GPATCH11: variants seen among roughly 807,000 people sequenced by gnomAD.
GPATCH11 encodes the protein G-patch domain containing 11.
GPATCH11 carries 32 observed loss-of-function variants against 44.8 expected under a neutral mutation model. The observed-to-expected ratio is 0.71, with a 90% CI of 0.54 to 0.96. The LOEUF (loss-of-function observed/expected upper bound fraction) is 0.96, where lower values mean the gene tolerates loss of function less well. GPATCH11 is among the 40% of genes least tolerant of loss of function. The pLI, the probability that GPATCH11 is intolerant of heterozygous loss-of-function variation, is 0.00. For synonymous variants in GPATCH11, 84 were observed against 94.4 expected (o/e 0.89, Z 0.64); for missense variants, 324 against 303.1 (o/e 1.07, Z -0.51).
chr2:37,094,179 A>T lies in GPATCH11; in HGVS notation c.638A>T (p.Lys213Met), dbSNP rs780819371. ...EEKEQDEDEY[K>M]SEDLSVLEKL... ...AAAGAACAGGATGAAGATGAATATA[A>T]GAGTGAAGATTTAAGCGTATGCTTT... Residue 213 changes from lysine (K) to methionine (M), a missense_variant, in exon 7 of 9, where the codon AAG becomes ATG. Lys to Met is a moderately conservative substitution (Grantham distance 95). Transcript: ENST00000674370. The T allele has an allele frequency of 1.3e-6, 2 of 1,553,990 alleles. No individual in the cohort carries two copies.
intron 6 of GPATCH11, 53 bp downstream of exon 6, chr2:37,092,308 A>G: frequency 3.7e-6 from 2 of 542,562 alleles, no homozygotes; most frequent in South Asian, 1.4e-4. Flanking sequence ...ACCCCCTGTG[A>G]TTTCCCGTTT....
chr2:37,096,210 A>G lies in GPATCH11; in HGVS notation c.739A>G (p.Lys247Glu). The G allele has an allele frequency of 6.4e-7, 1 of 1,566,550 alleles. No individual in the cohort carries two copies. Among genetic ancestry groups the G allele is most frequent in the Non-Finnish European group, 8.7e-7 (1 of 1,149,088 alleles). Residue 247 changes from lysine to glutamate, a missense_variant and splice_region_variant, in exon 9 of 9, where the codon AAA becomes GAA. Lys to Glu is a moderately conservative substitution (Grantham distance 56). Coordinates refer to ENST00000674370, the MANE Select transcript of GPATCH11 (RefSeq NM_174931.4). Reference sequence around the variant, plus strand: ...CATTTCCCTCACATAACTTACAGATAAAGAAGACCTATCTTCAAATTGTCC... The same window carrying G: ...CATTTCCCTCACATAACTTACAGATGAAGAAGACCTATCTTCAAATTGTCC... ...CIWCGTAYED[K>E]EDLSSNCPGP...
chr2:37,095,454 A>C lies in GPATCH11; in HGVS notation c.672A>C (p.Gln224His). 2 of 1,606,004 alleles carry C rather than the reference A, an allele frequency of 1.2e-6. No homozygotes were observed. Among genetic ancestry groups the C allele is most frequent in the Non-Finnish European group, 1.7e-6 (2 of 1,176,730 alleles). Residue 224 changes from glutamine to histidine, a missense_variant, in exon 8 of 9, where the codon CAA (glutamine) becomes CAC (histidine). Transcript: ENST00000674370. ...TCCTATAGGTACTGGAAAAATTACA[A>C]ATATTGACTAGTTATTTAAGAGAAG... is the stretch of plus-strand genomic sequence containing the variant. ...SEDLSVLEKL[Q>H]ILTSYLREEH...
At chr2:37,085,792 T>A (rs1672995249) in intron 1 of GPATCH11, among the ~76,000 whole-genome samples, 1 of 152,212 alleles carries the variant, frequency 6.6e-6, no homozygotes, top group Non-Finnish European at 1.5e-5. Flanking sequence ...GGTCAGGAAT[T>A]TGTTAGCAGC....
chr2:37,084,530 C>T lies in GPATCH11; in HGVS notation c.-54C>T, dbSNP rs571230302. ...GGTCGGTGGGCGCATGCGCAGCGCG[C>T]GCTCTACGGCGCTGAACCGGGGCGA... On this transcript the variant is annotated 5_prime_UTR_variant, in exon 1 of 9. Transcript: ENST00000674370. 16 of 1,232,470 alleles carry T rather than the reference C, an allele frequency of 1.3e-5. No individual in the cohort carries two copies. In the Admixed American group the frequency reaches 4.2e-4, roughly 32 times the overall value. The allele number at this position is 1,232,470 out of a possible 1,614,324, so 76.3% of individuals were successfully genotyped here. A position where few individuals can be genotyped will look rare whatever the true frequency, so the allele number is the denominator to read the frequency against.
At position 37,095,476 on chromosome 2, in the gene GPATCH11, G is replaced by A. The variant is rs1224446382; in HGVS notation, c.694G>A (p.Glu232Lys). The change falls in exon 8 of 9, where the codon GAA becomes AAA. Residue 232 changes from glutamate (E) to lysine (K), a missense_variant. Coordinates refer to ENST00000674370, the MANE Select transcript of GPATCH11 (RefSeq NM_174931.4). ...ACAAATATTGACTAGTTATTTAAGA[G>A]AAGAACATCTATATTGTATTTGGTG... ...KLQILTSYLREEHLYCIWCGT... is the reference protein window; with the variant it reads ...KLQILTSYLRKEHLYCIWCGT... The A allele has an allele frequency of 6.2e-7, 1 of 1,605,906 alleles. No individual in the cohort carries two copies. The highest frequency in any genetic ancestry group is 2.3e-5 in the East Asian group (1 of 44,356).
chr2:37,091,927 A>G lies in GPATCH11; in HGVS notation c.340A>G (p.Ile114Val). 1.2e-6 allele frequency: 2 copies of G among 1,608,748 alleles called. No homozygotes were observed. Among genetic ancestry groups the G allele is most frequent in the Non-Finnish European group, 1.7e-6 (2 of 1,176,736 alleles). Residue 114 changes from isoleucine to valine, a missense_variant, in exon 5 of 9, where the codon ATT becomes GTT. Coordinates refer to ENST00000674370, the MANE Select transcript of GPATCH11 (RefSeq NM_174931.4). The stretch of plus-strand genomic sequence containing the variant: ...TTCTGTTTGAATAGGGAAAAGTGGC[A>G]TTGGTCATGAGGCATCATTAAAACG... ...PLNIKTGKSGIGHEASLKRKA... is the reference protein window; with the variant it reads ...PLNIKTGKSGVGHEASLKRKA...
At position 37,096,201 on chromosome 2, in the gene GPATCH11, C is replaced by T. The variant is rs1673571389; in HGVS notation, c.737-7C>T. On this transcript the variant is annotated splice_polypyrimidine_tract_variant and splice_region_variant and intron_variant, in intron 8 of 8. Transcript: ENST00000674370. ...TTAATCTTTCATTTCCCTCACATAA[C>T]TTACAGATAAAGAAGACCTATCTTC... The T allele has an allele frequency of 6.5e-7, 1 of 1,543,000 alleles. No homozygotes were observed. Among genetic ancestry groups the T allele is most frequent in the South Asian group, 1.2e-5 (1 of 83,040 alleles).
chr2:37,095,595 A>G (rs1276432793), intron 8 of GPATCH11, 77 bp downstream of exon 8: 1 of 1,401,706 alleles, frequency 7.1e-7, no homozygotes. Context: ...TCCCACTGAC[A>G]ATGGAAATTT....
At position 37,099,025 on chromosome 2, in the gene GPATCH11, T is replaced by C. The variant is rs1188664583; in HGVS notation, c.*2762T>C. 1 of 152,234 alleles carries C rather than the reference T, an allele frequency of 6.6e-6. No individual in the cohort carries two copies. 9.4% of individuals were successfully genotyped at this position (152,234 alleles called of 1,614,324 possible). Reference sequence around the variant, plus strand: ...TTTAAAATTTGTTGTAGAACATTAATACGAAATTTGAAACTGCAAAACAAT... The same window carrying C: ...TTTAAAATTTGTTGTAGAACATTAACACGAAATTTGAAACTGCAAAACAAT... On this transcript the variant is annotated 3_prime_UTR_variant, in exon 9 of 9. Transcript: ENST00000674370.
chr2:37,094,055 T>G, intron 6 of GPATCH11, 27 bp from the exon 7 acceptor site: 1 of 1,288,608 alleles, frequency 7.8e-7, no homozygotes, highest in Non-Finnish European at 1.1e-6. Flanking sequence ...TTAGTATGTT[T>G]AATTGAGACT....
chr2:37,087,320 G>A (rs1673096962), intron 1 of GPATCH11, among the ~76,000 whole-genome samples: 1 of 152,154 alleles, frequency 6.6e-6, no homozygotes, highest in African/African-American at 2.4e-5. Context: ...AAGATGGTAG[G>A]CAGGAAAAAA....
chr2:37,094,596 T>C (rs1673481747), intron 7 of GPATCH11, among the ~76,000 whole-genome samples: 1 of 152,198 alleles, frequency 6.6e-6, no homozygotes, highest in Non-Finnish European at 1.5e-5. Context: ...CTACAAGTCA[T>C]TCTAATGTGT....
rs1673622328 is a variant in GPATCH11 at position 37,097,024 on chromosome 2, A to G, written c.*761A>G. 6.6e-6 allele frequency: 1 copy of G among 152,172 alleles called. No individual in the cohort carries two copies. Among genetic ancestry groups the G allele is most frequent in the Non-Finnish European group, 1.5e-5 (1 of 68,040 alleles). 9.4% of individuals were successfully genotyped at this position (152,172 alleles called of 1,614,324 possible). On this transcript the variant is annotated 3_prime_UTR_variant, in exon 9 of 9. Transcript: ENST00000674370. ...CTAAATTCTAATCCATTTAACTGTG[A>G]TAATTTCTGGTAAAATCATGAGTTT...
In GPATCH11 at chr2:37,095,350, C is replaced by G. The variant is rs141700686; in HGVS notation, c.655-87C>G. The G allele has an allele frequency of 1.2e-4, 169 of 1,451,038 alleles. No homozygotes were observed. The East Asian group carries it at 4.2e-3, about 36-fold the overall frequency. 89.9% of individuals were successfully genotyped at this position (1,451,038 alleles called of 1,614,324 possible). A position where few individuals can be genotyped will look rare whatever the true frequency, so the allele number is the denominator to read the frequency against. On this transcript the variant is annotated intron_variant, in intron 7 of 8. Transcript: ENST00000674370. ...CCAGAGTATAGCAGAATATTTACAGCCTTGAGCTAATTCGGCACGATCTAA... is the reference window on the plus strand; with the variant it reads ...CCAGAGTATAGCAGAATATTTACAGGCTTGAGCTAATTCGGCACGATCTAA...
In GPATCH11 at chr2:37,098,365, T is replaced by C. The variant is rs528100185; in HGVS notation, c.*2102T>C. 7.2e-6 allele frequency: 1 copy of C among 138,296 alleles called. No individual in the cohort carries two copies. Among genetic ancestry groups the C allele is most frequent in the Non-Finnish European group, 1.6e-5 (1 of 63,422 alleles). 8.6% of individuals were successfully genotyped at this position (138,296 alleles called of 1,614,324 possible). A position where few individuals can be genotyped will look rare whatever the true frequency, so the allele number is the denominator to read the frequency against. ...ATATATATGTATGTATATATATATA[T>C]ATATAGAGAGAGAGAGAGAGAGAGA... is the stretch of plus-strand genomic sequence containing the variant. On this transcript the variant is annotated 3_prime_UTR_variant, in exon 9 of 9. Coordinates refer to ENST00000674370, the MANE Select transcript of GPATCH11 (RefSeq NM_174931.4).
chr2:37,087,130 T>C (rs1673087135), intron 1 of GPATCH11, among the ~76,000 whole-genome samples: 1 of 152,148 alleles, frequency 6.6e-6, no homozygotes, highest in Non-Finnish European at 1.5e-5. Flanking sequence ...CCACAACCCA[T>C]ATATTCATAT....
At chr2:37,091,521 C>T (rs1174108047) in intron 4 of GPATCH11, among the ~76,000 whole-genome samples, 1 of 152,076 alleles carries the variant, frequency 6.6e-6, no homozygotes, top group East Asian at 1.9e-4. Flanking sequence ...GATTGTGCCA[C>T]TACATACCAG....
At chr2:37,088,338 A>G in intron 1 of GPATCH11, 31 bp from the exon 2 acceptor site, 1 of 1,147,270 alleles carries the variant, frequency 8.7e-7, no homozygotes, top group South Asian at 1.5e-5. Context: ...TGATAAACTA[A>G]AAAAAAAAGT....
Sources: allele counts gnomAD v4.1 joint callset (sites outside exome capture counted in the v4.1 genomes callset), GRCh38; gene constraint gnomAD v4.1.1; transcripts MANE v1.5; gene names NCBI Gene and HGNC (gene_info 2026-07-23, HGNC 2026-07-21).